TAFA1: variants seen among roughly 807,000 people sequenced by gnomAD.
TAFA1 encodes the protein chemokine-like protein TAFA-1.
A neutral mutation model predicts 18.5 loss-of-function variants in TAFA1; 4 were observed. The observed-to-expected ratio is 0.22, with a 90% CI of 0.11 to 0.49. TAFA1 has a LOEUF of 0.49. Among genes scored for constraint, TAFA1 ranks in the 20% least tolerant of loss-of-function variants. TAFA1 has a pLI of 0.98. For missense variants in TAFA1, 147 were observed against 169.0 expected (o/e 0.87, Z 0.72); for synonymous variants, 56 against 55.2 (o/e 1.01, Z -0.06).
intron 2 of TAFA1, among the ~76,000 whole-genome samples, chr3:68,384,718 T>C (rs555151100): frequency 6.6e-6 from 1 of 152,072 alleles, no homozygotes; most frequent in South Asian, 2.1e-4. Context: ...CCTGAATAAC[T>C]TTTTGAATTT....
rs1427609492 is a variant in TAFA1, at chr3:68,221,422, A to G, written c.119-195858A>G. On this transcript the variant is annotated intron_variant, in intron 2 of 4. Coordinates refer to ENST00000478136, the MANE Select transcript of TAFA1 (RefSeq NM_213609.4). ...AGTAGATTGGCTCTTGATATATTAAATGAGAAATACAACAACTTAGATAAT... is the reference window on the plus strand; with the variant it reads ...AGTAGATTGGCTCTTGATATATTAAGTGAGAAATACAACAACTTAGATAAT... Among the ~76,000 whole-genome samples the G allele has an allele frequency of 3.9e-5, 6 of 152,318 alleles. No homozygotes were observed. In the East Asian group the frequency reaches 9.6e-4, roughly 24 times the overall value.
At chr3:68,060,371 G>T (rs946849400) in intron 2 of TAFA1, among the ~76,000 whole-genome samples, 1 of 152,148 alleles carries the variant, frequency 6.6e-6, no homozygotes, top group South Asian at 2.1e-4. Context: ...TCCATGGGTA[G>T]AAACAAGCAA....
At chr3:68,116,148 G>A (rs2065322069) in intron 2 of TAFA1, among the ~76,000 whole-genome samples, 1 of 152,048 alleles carries the variant, frequency 6.6e-6, no homozygotes, top group East Asian at 1.9e-4. Flanking sequence ...CCAGCTACTC[G>A]GGAGGCTGAG....
chr3:68,007,365 C>G (rs1002079784), intron 2 of TAFA1, among the ~76,000 whole-genome samples: 1 of 152,020 alleles, frequency 6.6e-6, no homozygotes, highest in Non-Finnish European at 1.5e-5. Flanking sequence ...ATTTTTAGTT[C>G]CGGACGCATT....
At chr3:68,193,250 GATTTT>G (rs1202064869) in intron 2 of TAFA1, among the ~76,000 whole-genome samples, 17 of 151,780 alleles carry the variant, frequency 1.1e-4, no homozygotes, top group Admixed American at 2.6e-4. Context: ...GTAGGAGAGA[GATTTT>G]ATTTTAAGTA....
At chr3:68,162,734 G>A (rs1471532262) in intron 2 of TAFA1, among the ~76,000 whole-genome samples, 1 of 152,170 alleles carries the variant, frequency 6.6e-6, no homozygotes, top group Non-Finnish European at 1.5e-5. Context: ...AACACTCCAA[G>A]TGAAATATTT....
At chr3:68,185,627 A>G (rs938020985) in intron 2 of TAFA1, among the ~76,000 whole-genome samples, 2 of 152,056 alleles carry the variant, frequency 1.3e-5, no homozygotes, top group Non-Finnish European at 1.5e-5. Flanking sequence ...AAAATGAACT[A>G]TTACAGGTGC....
intron 2 of TAFA1, among the ~76,000 whole-genome samples, chr3:68,266,012 A>G (rs557559187): frequency 6.6e-6 from 1 of 152,282 alleles, no homozygotes; most frequent in South Asian, 2.1e-4. Flanking sequence ...ATTAGGCTCT[A>G]TTGACATAGT....
At chr3:68,189,882 A>G (rs1285951373) in intron 2 of TAFA1, among the ~76,000 whole-genome samples, 4 of 151,862 alleles carry the variant, frequency 2.6e-5, no homozygotes, top group Non-Finnish European at 5.9e-5. Context: ...GTCACCATTG[A>G]TATTATTAGT....
At chr3:68,289,295 C>G (rs9829000) in intron 2 of TAFA1, among the ~76,000 whole-genome samples, 1 of 152,094 alleles carries the variant, frequency 6.6e-6, no homozygotes, top group Non-Finnish European at 1.5e-5. Context: ...TTTGTTGACT[C>G]TAAGTGCTCC....
chr3:68,168,124 A>G (rs565828558), intron 2 of TAFA1, among the ~76,000 whole-genome samples: 29 of 135,442 alleles, frequency 2.1e-4, no homozygotes, highest in Middle Eastern at 3.9e-3. Flanking sequence ...TATTTGTCCT[A>G]ATAAGCTTCT....
chr3:68,204,794 T>TTTGCTCAAGGTCATCCAGCGAGTTA (rs1478909719), intron 2 of TAFA1, among the ~76,000 whole-genome samples: 14 of 151,850 alleles, frequency 9.2e-5, no homozygotes, highest in Non-Finnish European at 1.5e-4. Flanking sequence ...GCTGAAGTGA[T>TTTGCTCAAGGTCATCCAGCGAGTTA]TTGCTCAAGG....
At chr3:68,231,856 C>T (rs1017087606) in intron 2 of TAFA1, among the ~76,000 whole-genome samples, 1 of 152,126 alleles carries the variant, frequency 6.6e-6, no homozygotes, top group South Asian at 2.1e-4. Context: ...CTCTTCTTAA[C>T]CTTAGCCCAA....
chr3:68,095,019 C>T (rs1026389529), intron 2 of TAFA1, among the ~76,000 whole-genome samples: 64 of 152,138 alleles, frequency 4.2e-4, no homozygotes, highest in African/African-American at 1.5e-3. Flanking sequence ...CAAGGTCACC[C>T]ATCATGGAAA....
intron 2 of TAFA1, among the ~76,000 whole-genome samples, chr3:68,370,878 T>C (rs2069693214): frequency 6.6e-6 from 1 of 151,216 alleles, no homozygotes; most frequent in South Asian, 2.1e-4. Context: ...TATGATCATG[T>C]GGTTGAATCA....
At chr3:68,153,892 T>A (rs969557087) in intron 2 of TAFA1, among the ~76,000 whole-genome samples, 2 of 152,180 alleles carry the variant, frequency 1.3e-5, no homozygotes, top group African/African-American at 4.8e-5. Context: ...ATCCACAAAC[T>A]TAAGTGTGAG....
chr3:68,015,568 G>A (rs962991704), intron 2 of TAFA1, among the ~76,000 whole-genome samples: 4 of 152,128 alleles, frequency 2.6e-5, no homozygotes, highest in South Asian at 2.1e-4. Flanking sequence ...GATTATAGGC[G>A]TGAGCCACCG....
chr3:68,390,007 C>G (rs893988922), intron 2 of TAFA1, among the ~76,000 whole-genome samples: 1 of 152,086 alleles, frequency 6.6e-6, no homozygotes, highest in Non-Finnish European at 1.5e-5. Flanking sequence ...CAGTGACAAC[C>G]GTTCACTCCC....
At chr3:68,414,179 T>C (rs1254741488) in intron 2 of TAFA1, among the ~76,000 whole-genome samples, 2 of 152,178 alleles carry the variant, frequency 1.3e-5, no homozygotes, top group African/African-American at 4.8e-5. Context: ...TGGTGGTGCA[T>C]GCCTGTAATC....
Sources: gnomAD v4.1 joint callset for allele counts (sites outside exome capture counted in the v4.1 genomes callset) on GRCh38, gnomAD v4.1.1 for gene constraint, MANE v1.5 for transcripts, NCBI Gene and HGNC (gene_info 2026-07-23, HGNC 2026-07-21) for gene names.